GAPVD1: variants seen among roughly 807,000 people sequenced by gnomAD.
The protein encoded by GAPVD1 is GTPase activating protein and VPS9 domains 1, also known as GTPase-activating protein and VPS9 domain-containing protein 1.
Under a neutral mutation model 155.5 loss-of-function variants are expected in GAPVD1, and 35 were observed. The observed-to-expected ratio is 0.23, with a 90% CI of 0.17 to 0.30. GAPVD1 has a LOEUF of 0.30. Ranked by LOEUF, GAPVD1 falls within the 10% of genes least tolerant of loss-of-function variation. The pLI is 1.00. For synonymous variants in GAPVD1, 636 were observed against 619.7 expected (o/e 1.03, Z -0.39); for missense variants, 1,429 against 1,775.7 (o/e 0.80, Z 3.51).
chr9:125,302,191 G>GT lies in GAPVD1; in HGVS notation c.399dup (p.Thr134TyrfsTer13). On this transcript the variant is annotated frameshift_variant, in exon 5 of 28. Coordinates refer to ENST00000297933, the MANE Select transcript of GAPVD1 (RefSeq NM_001282680.3). LOFTEE classifies it high-confidence loss of function. ...GAACACACAAAGTGTTATTTACACA[G>GT]TTTTTACCTCCCTGTATGGCAATTG... The GT allele has an allele frequency of 6.2e-7, 1 of 1,613,738 alleles. No homozygotes were observed. The highest frequency in any genetic ancestry group is 8.5e-7 in the Non-Finnish European group (1 of 1,179,740).
At chr9:125,271,353 T>G (rs1461839120) in intron 2 of GAPVD1, among the ~76,000 whole-genome samples, 5 of 151,982 alleles carry the variant, frequency 3.3e-5, no homozygotes, top group Admixed American at 1.3e-4. Context: ...CCTTACCAAC[T>G]TATGTGTTGT....
At chr9:125,362,060 G>C (rs1027611324) in intron 27 of GAPVD1, among the ~76,000 whole-genome samples, 2 of 152,152 alleles carry the variant, frequency 1.3e-5, no homozygotes, top group East Asian at 3.9e-4. Flanking sequence ...TGTAGAGCCA[G>C]TTTAAGCTAG....
chr9:125,341,632 C>T (rs1352061355), intron 18 of GAPVD1: 2 of 167,852 alleles, frequency 1.2e-5, no homozygotes, highest in African/African-American at 2.4e-5. Flanking sequence ...CCTTTACATT[C>T]CTGGAATAAG....
chr9:125,345,637 C>T (rs1206916990), intron 19 of GAPVD1, among the ~76,000 whole-genome samples: 3 of 152,168 alleles, frequency 2.0e-5, no homozygotes, highest in Admixed American at 2.0e-4. Flanking sequence ...AAAAGAAGAG[C>T]CGATGAGCAT....
At chr9:125,308,537 A>G (rs1361443907) in intron 8 of GAPVD1, 1 of 152,094 alleles carries the variant, frequency 6.6e-6, no homozygotes, top group Non-Finnish European at 1.5e-5. Flanking sequence ...CAAAAGTTTC[A>G]TTTTATTTTT....
At chr9:125,329,073 G>T (rs917557725) in intron 12 of GAPVD1, among the ~76,000 whole-genome samples, 3 of 152,128 alleles carry the variant, frequency 2.0e-5, no homozygotes, top group African/African-American at 7.2e-5. Flanking sequence ...GATGGCAGCA[G>T]TACAGTCCAG....
At chr9:125,340,408 G>T (rs1439666183) in intron 17 of GAPVD1, among the ~76,000 whole-genome samples, 2 of 152,172 alleles carry the variant, frequency 1.3e-5, no homozygotes, top group Admixed American at 1.3e-4. Context: ...TGAGTCCTCA[G>T]CTGTGCCACA....
chr9:125,310,598 G>A (rs1203043022), intron 8 of GAPVD1, among the ~76,000 whole-genome samples: 3 of 144,668 alleles, frequency 2.1e-5, no homozygotes, highest in Non-Finnish European at 3.0e-5. Flanking sequence ...GGAGTGCAAT[G>A]GCGTGATCTC....
chr9:125,279,069 A>G (rs1836292171), intron 2 of GAPVD1, among the ~76,000 whole-genome samples: 1 of 151,078 alleles, frequency 6.6e-6, no homozygotes, highest in South Asian at 2.1e-4. Flanking sequence ...GAAATTAGCC[A>G]GGTGTGGTGG....
At chr9:125,267,076 A>G (rs943501738) in intron 1 of GAPVD1, among the ~76,000 whole-genome samples, 4 of 152,300 alleles carry the variant, frequency 2.6e-5, no homozygotes, top group African/African-American at 9.6e-5. Flanking sequence ...TTTGTAATCC[A>G]TAACTTCTAA....
At chr9:125,352,592 C>T (rs1849464770) in intron 23 of GAPVD1, among the ~76,000 whole-genome samples, 1 of 152,214 alleles carries the variant, frequency 6.6e-6, no homozygotes, top group Admixed American at 6.5e-5. Context: ...ACCATTTTTC[C>T]TCCTAGGCCT....
At chr9:125,283,028 T>TTTTATTTATTTATTTATTTA (rs10649964) in intron 2 of GAPVD1, among the ~76,000 whole-genome samples, 1 of 143,324 alleles carries the variant, frequency 7.0e-6, no homozygotes, top group East Asian at 2.1e-4. Flanking sequence ...TTATTTTTAT[T>TTTTATTTATTTATTTATTTA]TTTATTTATT....
intron 1 of GAPVD1, among the ~76,000 whole-genome samples, chr9:125,264,758 G>A (rs1000763674): frequency 3.3e-5 from 5 of 149,730 alleles, no homozygotes; most frequent in South Asian, 2.1e-4. Flanking sequence ...TCAGGCTGTC[G>A]CCCAGGCTGG....
In GAPVD1 at chr9:125,261,890, G is replaced by C. The variant is rs2131507951; in HGVS notation, c.-268G>C. 6.5e-6 allele frequency: 1 copy of C among 154,338 alleles called. No homozygotes were observed. The highest frequency in any genetic ancestry group is 1.9e-4 in the East Asian group (1 of 5,264). 9.6% of individuals were successfully genotyped at this position (154,338 alleles called of 1,614,324 possible). A position where few individuals can be genotyped will look rare whatever the true frequency, so the allele number is the denominator to read the frequency against. ...CGGCGGCGGGGGCAGTCACCGGCTA[G>C]GGCGACGGCTCCGAGGCCGAGTGGC... On this transcript the variant is annotated 5_prime_UTR_variant, in exon 1 of 28. Transcript: ENST00000297933.
chr9:125,337,572 A>G lies in GAPVD1; in HGVS notation c.2858A>G (p.Lys953Arg). Reference sequence around the variant, plus strand: ...CATTCATCATCTTCATCCCCGAGTAAGGACTCCTCAAGAGGAGAGGTATGG... The same window carrying G: ...CATTCATCATCTTCATCCCCGAGTAGGGACTCCTCAAGAGGAGAGGTATGG... ...APHSSSSSPSKDSSRGETEER... is the reference protein window; with the variant it reads ...APHSSSSSPSRDSSRGETEER... The change falls in exon 17 of 28, where the codon AAG (lysine) becomes AGG (arginine). Residue 953 changes from lysine to arginine, a missense_variant. Lys to Arg is a conservative substitution (Grantham distance 26, BLOSUM62 2). Coordinates refer to ENST00000297933, the MANE Select transcript of GAPVD1 (RefSeq NM_001282680.3). 1.2e-6 allele frequency: 2 copies of G among 1,613,946 alleles called. No homozygotes were observed. Among genetic ancestry groups the G allele is most frequent in the Non-Finnish European group, 1.7e-6 (2 of 1,179,942 alleles).
At chr9:125,278,132 G>T (rs921062906) in intron 2 of GAPVD1, among the ~76,000 whole-genome samples, 2 of 152,160 alleles carry the variant, frequency 1.3e-5, no homozygotes, top group Non-Finnish European at 2.9e-5. Context: ...ATAAATCGTC[G>T]TGATTCAACA....
At chr9:125,269,938 T>G (rs1481345629) in intron 2 of GAPVD1, among the ~76,000 whole-genome samples, 1 of 151,646 alleles carries the variant, frequency 6.6e-6, no homozygotes, top group Non-Finnish European at 1.5e-5. Flanking sequence ...AGGCTGGTCT[T>G]GAACTCCTAC....
chr9:125,283,452 C>T (rs557683493), intron 2 of GAPVD1, among the ~76,000 whole-genome samples: 79 of 152,082 alleles, frequency 5.2e-4, no homozygotes, highest in African/African-American at 1.8e-3. Context: ...TTGACATCCC[C>T]GGCTCAAGTG....
intron 23 of GAPVD1, among the ~76,000 whole-genome samples, chr9:125,353,974 AGGTAT>A (rs1849679334): frequency 1.3e-5 from 2 of 152,244 alleles, no homozygotes; most frequent in Non-Finnish European, 2.9e-5. Context: ...GCAGGTAAAG[AGGTAT>A]GCCTATATTT....
Sources: allele counts gnomAD v4.1 joint callset (sites outside exome capture counted in the v4.1 genomes callset), GRCh38; gene constraint gnomAD v4.1.1; transcripts MANE v1.5; gene names NCBI Gene and HGNC (gene_info 2026-07-23, HGNC 2026-07-21).